The following HIF1A variants were observed in gnomAD, a reference collection of about 807,000 sequenced individuals.
HIF1A encodes the protein hypoxia-inducible factor 1-alpha.
Under a neutral mutation model 92.7 loss-of-function variants are expected in HIF1A, and 24 were observed. The observed-to-expected ratio is 0.26, with a 90% CI of 0.19 to 0.36. HIF1A has a LOEUF of 0.36. HIF1A is among the 10% of genes least tolerant of loss of function. The pLI, the probability that HIF1A is intolerant of heterozygous loss-of-function variation, is 1.00. For missense variants in HIF1A, 799 were observed against 998.5 expected (o/e 0.80, Z 2.69); for synonymous variants, 319 against 338.7 (o/e 0.94, Z 0.64).
chr14:61,722,426 G>GT (rs2044444844), intron 4 of HIF1A, among the ~76,000 whole-genome samples: 1 of 151,994 alleles, frequency 6.6e-6, no homozygotes, highest in African/African-American at 2.4e-5. Context: ...TGTGATAGGG[G>GT]TTCTTGCTGT....
rs183607090 is a variant in HIF1A at position 61,723,632 on chromosome 14, G to T, written c.457+1809G>T. On this transcript the variant is annotated intron_variant, in intron 4 of 14. Coordinates refer to ENST00000337138, the MANE Select transcript of HIF1A (RefSeq NM_001530.4). ...ATATGCTGTGAACAAGGACCTAAGTGGGTTGTCAATGAGTTTAATATATGA... is the reference window on the plus strand; with the variant it reads ...ATATGCTGTGAACAAGGACCTAAGTTGGTTGTCAATGAGTTTAATATATGA... Among the ~76,000 whole-genome samples the T allele has an allele frequency of 2.7e-3, 407 of 152,300 alleles. 3 individuals are homozygous for T. Among genetic ancestry groups the T allele is most frequent in the African/African-American group, 8.9e-3 (368 of 41,564 alleles).
At position 61,747,018 on chromosome 14, in the gene HIF1A, C is replaced by G. The variant is rs1002016670; in HGVS notation, c.2414C>G (p.Pro805Arg). Reference sequence around the variant, plus strand: ...AGTTATGATTGTGAAGTTAATGCTCCTATACAAGGCAGCAGAAACCTACTG... The same window carrying G: ...AGTTATGATTGTGAAGTTAATGCTCGTATACAAGGCAGCAGAAACCTACTG... ...LTSYDCEVNA[P>R]IQGSRNLLQG... The change falls in exon 15 of 15, where the codon CCT becomes CGT. Residue 805 changes from proline (P) to arginine (R), a missense_variant. Around this residue, in one of 2 missense-constraint regions of HIF1A, gnomAD observed 283 missense variants for 277.5 expected, o/e 1.02. Coordinates refer to ENST00000337138, the MANE Select transcript of HIF1A (RefSeq NM_001530.4). 13 of 1,613,692 alleles carry G rather than the reference C, an allele frequency of 8.1e-6. No homozygotes were observed. Among genetic ancestry groups the G allele is most frequent in the Non-Finnish European group, 1.1e-5 (13 of 1,179,710 alleles).
chr14:61,745,615 C>A, intron 13 of HIF1A, 76 bp from the exon 14 acceptor site: 1 of 1,177,354 alleles, frequency 8.5e-7, no homozygotes, highest in Non-Finnish European at 1.3e-6. Flanking sequence ...ATTAAATTTA[C>A]ACCAATTTCA....
Position 61,695,531 on chromosome 14 carries a change from G to A in HIF1A, c.-274G>A. 3.7e-6 allele frequency: 2 copies of A among 539,838 alleles called. No homozygotes were observed. Among genetic ancestry groups the A allele is most frequent in the Middle Eastern group, 4.9e-4 (1 of 2,056 alleles). 33.4% of individuals were successfully genotyped at this position (539,838 alleles called of 1,614,324 possible). ...GCTCCTCAGTGCACAGTGCTGCCTCGTCTGAGGGGACAGGAGGATCACCCT... is the reference window on the plus strand; with the variant it reads ...GCTCCTCAGTGCACAGTGCTGCCTCATCTGAGGGGACAGGAGGATCACCCT... On this transcript the variant is annotated 5_prime_UTR_variant, in exon 1 of 15. Transcript: ENST00000337138.
At chr14:61,736,488 C>A (rs1211725116) in intron 8 of HIF1A, among the ~76,000 whole-genome samples, 2 of 152,076 alleles carry the variant, frequency 1.3e-5, no homozygotes, top group African/African-American at 2.4e-5. Flanking sequence ...TGCCCCTCTC[C>A]CCTAGTAGTC....
intron 1 of HIF1A, among the ~76,000 whole-genome samples, chr14:61,706,342 A>G (rs569888589): frequency 6.6e-6 from 1 of 152,300 alleles, no homozygotes; most frequent in East Asian, 1.9e-4. Flanking sequence ...CAGTTGCCAC[A>G]TTCTTCCTTA....
Position 61,703,169 on chromosome 14 carries a change from G to A in HIF1A, c.35+7330G>A, listed in dbSNP as rs74646372. ...ATGGTTCTTTCTTAATAATAAATTAGAAGAAGTAGAATTACAGGGTCAAAA... is the reference window on the plus strand; with the variant it reads ...ATGGTTCTTTCTTAATAATAAATTAAAAGAAGTAGAATTACAGGGTCAAAA... On this transcript the variant is annotated intron_variant, in intron 1 of 14. Transcript: ENST00000337138. Among the ~76,000 whole-genome samples, 1,026 of 152,252 alleles carry A rather than the reference G, an allele frequency of 6.7e-3. 43 individuals carry two copies. In the East Asian group the frequency reaches 0.098, roughly 15 times the overall value.
chr14:61,696,078 G>T (rs992579147), intron 1 of HIF1A, among the ~76,000 whole-genome samples: 3 of 152,138 alleles, frequency 2.0e-5, no homozygotes, highest in African/African-American at 7.2e-5. Context: ...AGGGGCCGGG[G>T]TCTGAGCCCT....
In HIF1A at chr14:61,740,549, G is replaced by A. The variant is rs752483214; in HGVS notation, c.1581G>A (p.Met527Ile). Residue 527 changes from methionine to isoleucine, a missense_variant, in exon 11 of 15, where the codon ATG (methionine) becomes ATA (isoleucine). By Grantham distance (10) the Met-to-Ile change is conservative. Transcript: ENST00000337138. ...ATTGTTTTTATGTGGATAGTGATAT[G>A]GTCAATGAATTCAAGTTGGAATTGG... ...SEYCFYVDSD[M>I]VNEFKLELVE... is the part of the protein sequence containing the mutation. 23 of 1,598,666 alleles carry A rather than the reference G, an allele frequency of 1.4e-5. No homozygotes were observed. The highest frequency in any genetic ancestry group is 2.0e-5 in the Non-Finnish European group (23 of 1,168,064).
intron 1 of HIF1A, among the ~76,000 whole-genome samples, chr14:61,716,548 T>G (rs1358619868): frequency 6.6e-6 from 1 of 152,210 alleles, no homozygotes; most frequent in Non-Finnish European, 1.5e-5. Flanking sequence ...AGGCTTTTTG[T>G]GCAATACGAA....
chr14:61,741,363 T>TA (rs2044709844), intron 12 of HIF1A, among the ~76,000 whole-genome samples, 175 bp downstream of exon 12: 1 of 47,294 alleles, frequency 2.1e-5, no homozygotes, highest in African/African-American at 3.9e-5. Context: ...TCTTTTTCTT[T>TA]CTTTTTTTTT....
rs374395794 is a variant in HIF1A, at chr14:61,740,548, T to C, written c.1580T>C (p.Met527Thr). Residue 527 changes from methionine (M) to threonine (T), a missense_variant, in exon 11 of 15, where the codon ATG becomes ACG. This residue lies in a region of HIF1A where 516 missense variants were observed against 721.0 expected (regional missense o/e 0.72). Transcript: ENST00000337138. ...SEYCFYVDSD[M>T]VNEFKLELVE... ...TATTGTTTTTATGTGGATAGTGATA[T>C]GGTCAATGAATTCAAGTTGGAATTG... 63 of 1,599,346 alleles carry C rather than the reference T, an allele frequency of 3.9e-5. No individual in the cohort carries two copies. Among genetic ancestry groups the C allele is most frequent in the Non-Finnish European group, 5.0e-5 (58 of 1,168,772 alleles).
At chr14:61,701,292 T>G (rs138584948) in intron 1 of HIF1A, among the ~76,000 whole-genome samples, 6 of 152,320 alleles carry the variant, frequency 3.9e-5, no homozygotes, top group Admixed American at 6.5e-5. Context: ...TTTTGAAAAT[T>G]TATTATCTTG....
chr14:61,705,371 G>A (rs1257384858), intron 1 of HIF1A, among the ~76,000 whole-genome samples: 4 of 151,914 alleles, frequency 2.6e-5, no homozygotes, highest in Admixed American at 2.0e-4. Context: ...ATGAAAACAC[G>A]GTTTTAAAAA....
intron 1 of HIF1A, among the ~76,000 whole-genome samples, chr14:61,712,165 G>A (rs1184119297): frequency 6.6e-6 from 1 of 152,172 alleles, no homozygotes; most frequent in Admixed American, 6.6e-5. Flanking sequence ...CTCAATGAGG[G>A]TGAGACTGCG....
At chr14:61,721,056 A>G (rs1049242404) in intron 2 of HIF1A, among the ~76,000 whole-genome samples, 6 of 152,120 alleles carry the variant, frequency 3.9e-5, no homozygotes, top group African/African-American at 1.2e-4. Context: ...CCTGGCCAAG[A>G]TGGTGAAACC....
chr14:61,747,127 T>G lies in HIF1A; in HGVS notation c.*42T>G. ...ATTCCTTTTTTTGGACACTGGTGGC[T>G]CATTACCTAAAGCAGTCTATTTATA... On this transcript the variant is annotated 3_prime_UTR_variant, in exon 15 of 15. Transcript: ENST00000337138. The G allele has an allele frequency of 6.4e-7, 1 of 1,559,168 alleles. No homozygotes were observed. The highest frequency in any genetic ancestry group is 1.9e-5 in the Admixed American group (1 of 52,866).
chr14:61,697,752 AATAG>A, intron 1 of HIF1A: 3 of 1,408,684 alleles, frequency 2.1e-6, no homozygotes, highest in South Asian at 1.6e-5. Context: ...TGCTGTTTAT[AATAG>A]ATGACCTTTT....
intron 2 of HIF1A, 117 bp from the exon 3 acceptor site, chr14:61,721,392 T>G: frequency 2.7e-6 from 2 of 741,684 alleles, no homozygotes; most frequent in Non-Finnish European, 4.4e-6. Context: ...TGTGTTGAAA[T>G]GGCTGTATAT....
Sources: gnomAD v4.1 joint callset for allele counts (sites outside exome capture counted in the v4.1 genomes callset) on GRCh38, gnomAD v4.1.1 for gene constraint, gnomAD v4.1.1 regional missense constraint, MANE v1.5 for transcripts, NCBI Gene and HGNC (gene_info 2026-07-23, HGNC 2026-07-21) for gene names.